ANO3: variants seen among roughly 807,000 people sequenced by gnomAD.
ANO3 encodes the protein anoctamin-3.
Under a neutral mutation model 144.8 loss-of-function variants are expected in ANO3, and 99 were observed. The observed-to-expected ratio is 0.68, with a 90% CI of 0.58 to 0.81. The LOEUF (loss-of-function observed/expected upper bound fraction) is 0.81. Ranked by LOEUF, ANO3 falls within the 30% of genes least tolerant of loss-of-function variation. The pLI, the probability that ANO3 is intolerant of heterozygous loss-of-function variation, is 0.00. For synonymous variants in ANO3, 414 were observed against 392.6 expected, an observed-to-expected ratio of 1.05 and a Z score of -0.64; for missense variants, 905 against 1,202.2, an observed-to-expected ratio of 0.75 and a Z score of 3.66.
intron 1 of ANO3, among the ~76,000 whole-genome samples, chr11:26,429,128 T>C (rs1590351111): frequency 6.6e-6 from 1 of 152,236 alleles, no homozygotes; most frequent in African/African-American, 2.4e-5. Context: ...GAAGTGTTTT[T>C]CTGGAGGAAC....
intron 3 of ANO3, among the ~76,000 whole-genome samples, chr11:26,456,517 A>C (rs1194810919): frequency 6.8e-6 from 1 of 146,648 alleles, no homozygotes; most frequent in Non-Finnish European, 1.5e-5. Context: ...AATCAAAACC[A>C]CAATGAGATA....
At chr11:26,233,552 G>A (rs1423093344) in intron 1 of ANO3, among the ~76,000 whole-genome samples, 1 of 152,182 alleles carries the variant, frequency 6.6e-6, no homozygotes, top group Non-Finnish European at 1.5e-5. Context: ...CAAGGATCTA[G>A]AACCAGAAAT....
chr11:26,382,752 G>A (rs555726481), intron 1 of ANO3, among the ~76,000 whole-genome samples: 2 of 152,080 alleles, frequency 1.3e-5, no homozygotes, highest in African/African-American at 2.4e-5. Flanking sequence ...GAAAAATATT[G>A]TACTGCTTAT....
intron 4 of ANO3, among the ~76,000 whole-genome samples, chr11:26,499,595 A>G (rs1295843448): frequency 6.6e-6 from 1 of 151,696 alleles, no homozygotes; most frequent in Admixed American, 6.6e-5. Flanking sequence ...CATATCAATC[A>G]TATACATACT....
chr11:26,511,491 A>C (rs1178062292), intron 5 of ANO3, among the ~76,000 whole-genome samples: 1 of 152,184 alleles, frequency 6.6e-6, no homozygotes, highest in Non-Finnish European at 1.5e-5. Flanking sequence ...CAGAGACTGC[A>C]CAAGAAAGAT....
intron 6 of ANO3, among the ~76,000 whole-genome samples, chr11:26,518,818 T>A (rs993343586): frequency 1.3e-5 from 2 of 151,988 alleles, no homozygotes; most frequent in African/African-American, 2.4e-5. Flanking sequence ...GATTTCATCA[T>A]GTAAAATATA....
chr11:26,211,077 C>T (rs568408026), intron 1 of ANO3, among the ~76,000 whole-genome samples: 1 of 152,200 alleles, frequency 6.6e-6, no homozygotes, highest in Admixed American at 6.6e-5. Context: ...CCACATCACA[C>T]TTATTCTAAA....
chr11:26,638,776 A>G (rs1187721965), intron 20 of ANO3, among the ~76,000 whole-genome samples: 2 of 152,214 alleles, frequency 1.3e-5, no homozygotes, highest in African/African-American at 2.4e-5. Flanking sequence ...TAAAAACAAT[A>G]TATTATAAAC....
At chr11:26,480,228 C>T (rs575129351) in intron 4 of ANO3, among the ~76,000 whole-genome samples, 1 of 152,290 alleles carries the variant, frequency 6.6e-6, no homozygotes, top group South Asian at 2.1e-4. Flanking sequence ...CCACACTGAG[C>T]TGGGTTGAAG....
At chr11:26,440,306 GA>G (rs1165039780) in intron 1 of ANO3, among the ~76,000 whole-genome samples, 1 of 152,098 alleles carries the variant, frequency 6.6e-6, no homozygotes, top group Non-Finnish European at 1.5e-5. Flanking sequence ...AATTTATAAA[GA>G]AAAGTATTTA....
At chr11:26,533,825 C>T (rs293941) in intron 8 of ANO3, among the ~76,000 whole-genome samples, 107,073 of 152,062 alleles carry the variant, frequency 0.7, 38,100 homozygotes, top group East Asian at 0.84. Context: ...GACACAATGG[C>T]GATTTATCAC....
intron 1 of ANO3, among the ~76,000 whole-genome samples, chr11:26,344,511 G>T (rs1423312168): frequency 6.6e-6 from 1 of 151,744 alleles, no homozygotes; most frequent in Non-Finnish European, 1.5e-5. Flanking sequence ...GACTACAGGC[G>T]CCTGCCACCA....
chr11:26,484,429 G>C (rs117015044), intron 4 of ANO3, among the ~76,000 whole-genome samples: 1 of 152,206 alleles, frequency 6.6e-6, no homozygotes, highest in Admixed American at 6.5e-5. Context: ...GAAGCCACAA[G>C]TCATGGCAGC....
intron 12 of ANO3, among the ~76,000 whole-genome samples, chr11:26,550,067 A>T (rs1336925947): frequency 2.0e-5 from 3 of 150,590 alleles, no homozygotes; most frequent in Admixed American, 6.6e-5. Context: ...TTGATCCTTT[A>T]AAAAAAAAAT....
intron 1 of ANO3, among the ~76,000 whole-genome samples, chr11:26,336,139 A>G (rs1855186865): frequency 6.6e-6 from 1 of 152,204 alleles, no homozygotes; most frequent in Admixed American, 6.5e-5. Flanking sequence ...TTCTGGGGAA[A>G]GTCCAACTTT....
intron 1 of ANO3, among the ~76,000 whole-genome samples, chr11:26,298,888 A>G (rs1309399748): frequency 6.6e-6 from 1 of 152,190 alleles, no homozygotes; most frequent in Non-Finnish European, 1.5e-5. Context: ...GACTGAATAC[A>G]GTCTGGGAGC....
intron 6 of ANO3, among the ~76,000 whole-genome samples, chr11:26,520,716 A>G (rs1157385093): frequency 6.6e-6 from 1 of 152,142 alleles, no homozygotes; most frequent in Non-Finnish European, 1.5e-5. Context: ...GCACCTTAAA[A>G]TGACCTGGGA....
chr11:26,206,632 G>A (rs865949539), intron 1 of ANO3, among the ~76,000 whole-genome samples: 1 of 152,072 alleles, frequency 6.6e-6, no homozygotes, highest in Non-Finnish European at 1.5e-5. Context: ...ACATGTACAA[G>A]GACAAATTAA....
intron 1 of ANO3, among the ~76,000 whole-genome samples, chr11:26,194,233 A>C (rs1851533878): frequency 6.6e-6 from 1 of 152,136 alleles, no homozygotes; most frequent in Non-Finnish European, 1.5e-5. Context: ...ATGTAGTACA[A>C]ACTGAGCTTC....
Sources: allele counts gnomAD v4.1 joint callset (sites outside exome capture counted in the v4.1 genomes callset), GRCh38; gene constraint gnomAD v4.1.1; transcripts MANE v1.5; gene names NCBI Gene and HGNC (gene_info 2026-07-23, HGNC 2026-07-21).